Variants in POLQ observed in about 807,000 individuals in gnomAD.
POLQ encodes the protein epididymis secretory sperm binding protein.
In POLQ, 233 loss-of-function variants were observed where a neutral mutation model predicts 259.2. The observed-to-expected ratio is 0.90, with a 90% CI of 0.81 to 1.00. The LOEUF (loss-of-function observed/expected upper bound fraction) is 1.00. Among genes scored for constraint, POLQ ranks in the 50% least tolerant of loss-of-function variants. The pLI is 0.00. For synonymous variants in POLQ, 1,025 were observed against 1,048.8 expected (o/e 0.98, Z 0.44); for missense variants, 2,871 against 3,051.6 (o/e 0.94, Z 1.39).
intron 7 of POLQ, among the ~76,000 whole-genome samples, chr3:121,526,575 A>G (rs2048374898): frequency 6.6e-6 from 1 of 152,070 alleles, no homozygotes; most frequent in Non-Finnish European, 1.5e-5. Flanking sequence ...TTTCTCCTCA[A>G]TAATTTTCTT....
intron 25 of POLQ, among the ~76,000 whole-genome samples, chr3:121,455,140 C>A (rs1444167948): frequency 6.7e-6 from 1 of 150,362 alleles, no homozygotes; most frequent in African/African-American, 2.5e-5. Context: ...CTACTGGGTA[C>A]ATAACAAAAT....
chr3:121,540,563 A>G (rs182845570), intron 3 of POLQ, among the ~76,000 whole-genome samples: 1 of 152,354 alleles, frequency 6.6e-6, no homozygotes. Context: ...TTTTTGCAGA[A>G]CAGAGGAACA....
chr3:121,488,894 T>G lies in POLQ; in HGVS notation c.4037A>C (p.Asp1346Ala). ...CATTATCCCTGCTGCCAGGTTGGTG[T>G]CCTTTGCTCCTAGTTTGGCATTTTC... ...ATENAKLGAK[D>A]TNLAAGIMQK... Residue 1346 changes from aspartate (D) to alanine (A), a missense_variant, in exon 16 of 30, where the codon GAC becomes GCC. This residue lies in a region of POLQ where 2,080 missense variants were observed against 2,126.0 expected (regional missense o/e 0.98). Transcript: ENST00000264233. 3 of 1,614,174 alleles carry G rather than the reference T, an allele frequency of 1.9e-6. No homozygotes were observed. The highest frequency in any genetic ancestry group is 2.5e-6 in the Non-Finnish European group (3 of 1,179,994).
chr3:121,479,902 A>G (rs2047957531), intron 19 of POLQ, among the ~76,000 whole-genome samples: 1 of 152,214 alleles, frequency 6.6e-6, no homozygotes, highest in Non-Finnish European at 1.5e-5. Flanking sequence ...GAAATCAAGG[A>G]AATACAAAAC....
At chr3:121,509,509 T>G in intron 12 of POLQ, 52 bp downstream of exon 12, 1 of 1,461,024 alleles carries the variant, frequency 6.8e-7, no homozygotes, top group Non-Finnish European at 9.5e-7. Context: ...GGATTATATA[T>G]CTATTTTTTT....
chr3:121,436,381 G>T, intron 27 of POLQ, 106 bp from the exon 28 acceptor site: 1 of 1,075,104 alleles, frequency 9.3e-7, no homozygotes, highest in Non-Finnish European at 1.4e-6. Context: ...AGACTGGAAA[G>T]CTGGACTGAG....
At chr3:121,536,970 T>C in intron 5 of POLQ, 130 bp downstream of exon 5, 1 of 623,368 alleles carries the variant, frequency 1.6e-6, no homozygotes, top group Admixed American at 2.8e-5. Context: ...AACAAACTAC[T>C]ATACATAAGT....
intron 13 of POLQ, among the ~76,000 whole-genome samples, chr3:121,498,048 C>A (rs1309258837): frequency 6.6e-6 from 1 of 152,102 alleles, no homozygotes; most frequent in Admixed American, 6.5e-5. Flanking sequence ...TGGTGGCTCA[C>A]GCCTGTAATC....
chr3:121,461,448 C>G (rs971893502), intron 24 of POLQ, among the ~76,000 whole-genome samples: 2 of 151,920 alleles, frequency 1.3e-5, no homozygotes, highest in Non-Finnish European at 2.9e-5. Context: ...GTCAGGAGAT[C>G]GAGACCATCC....
At chr3:121,493,404 A>T in intron 15 of POLQ, 74 bp downstream of exon 15, 1 of 1,121,196 alleles carries the variant, frequency 8.9e-7, no homozygotes, top group Non-Finnish European at 1.3e-6. Flanking sequence ...TAACTTTAAT[A>T]CATTATCTAT....
intron 7 of POLQ, 39 bp downstream of exon 7, chr3:121,529,606 T>G (rs1448521042): frequency 1.3e-6 from 2 of 1,588,850 alleles, no homozygotes; most frequent in East Asian, 4.5e-5. Context: ...CAAGCAAATG[T>G]ACTAAGCATG....
At chr3:121,515,343 G>A (rs2048287043) in intron 9 of POLQ, among the ~76,000 whole-genome samples, 1 of 152,132 alleles carries the variant, frequency 6.6e-6, no homozygotes, top group South Asian at 2.1e-4. Flanking sequence ...TTTCCACTGA[G>A]CATAGCAGCT....
chr3:121,521,743 G>C (rs994877808), intron 8 of POLQ: 22 of 186,384 alleles, frequency 1.2e-4, no homozygotes, highest in Non-Finnish European at 2.2e-4. Flanking sequence ...GCTGATTTTT[G>C]TATTTTTAGT....
At chr3:121,529,019 G>T (rs969299508) in intron 7 of POLQ, among the ~76,000 whole-genome samples, 1 of 152,054 alleles carries the variant, frequency 6.6e-6, no homozygotes, top group Non-Finnish European at 1.5e-5. Flanking sequence ...AAATAGACTA[G>T]TATCTACATA....
At chr3:121,448,241 G>C (rs1056749052) in intron 26 of POLQ, among the ~76,000 whole-genome samples, 3 of 151,924 alleles carry the variant, frequency 2.0e-5, no homozygotes, top group Non-Finnish European at 2.9e-5. Context: ...TTTCCAAATA[G>C]CCTGTCTTCA....
intron 10 of POLQ, 70 bp from the exon 11 acceptor site, chr3:121,510,313 C>T: frequency 9.2e-7 from 1 of 1,091,598 alleles, no homozygotes; most frequent in East Asian, 2.4e-5. Flanking sequence ...CGCGGTGGCT[C>T]ATGCCTGTAA....
chr3:121,496,759 A>T, intron 14 of POLQ, 49 bp downstream of exon 14: 1 of 1,555,446 alleles, frequency 6.4e-7, no homozygotes, highest in Non-Finnish European at 8.7e-7. Context: ...TCTTAACTCG[A>T]CCTCAAATCA....
chr3:121,455,418 C>A (rs1199469412), intron 25 of POLQ, among the ~76,000 whole-genome samples: 26 of 144,410 alleles, frequency 1.8e-4, no homozygotes, highest in African/African-American at 3.2e-4. Flanking sequence ...CACAAAAAAC[C>A]CTTCAAAAAA....
At position 121,449,450 on chromosome 3, in the gene POLQ, T is replaced by C. The variant is rs989191800; in HGVS notation, c.7153-24A>G. 8.0e-6 allele frequency: 10 copies of C among 1,253,804 alleles called. No individual in the cohort carries two copies. In the African/African-American group the frequency reaches 1.2e-4, roughly 15 times the overall value. 77.7% of individuals were successfully genotyped at this position (1,253,804 alleles called of 1,614,324 possible). Reference sequence around the variant, plus strand: ...ATCTGAAAGGGAGTCATCCAACAAATAAAGGTTATAAGTACATAAAATGCA... The same window carrying C: ...ATCTGAAAGGGAGTCATCCAACAAACAAAGGTTATAAGTACATAAAATGCA... On this transcript the variant is annotated intron_variant, in intron 25 of 29. Transcript: ENST00000264233.
Sources: allele counts gnomAD v4.1 joint callset (sites outside exome capture counted in the v4.1 genomes callset), GRCh38; gene constraint gnomAD v4.1.1; regional missense constraint gnomAD v4.1.1; transcripts MANE v1.5; gene names NCBI Gene and HGNC (gene_info 2026-07-23, HGNC 2026-07-21).